The following GALNT13 variants were observed in gnomAD, a reference collection of about 807,000 sequenced individuals.
The protein encoded by GALNT13 is UDP-GalNAc:polypeptide N-acetylgalactosaminyltransferase 13.
A neutral mutation model predicts 64.2 loss-of-function variants in GALNT13; 28 were observed. That is an observed-to-expected ratio of 0.44 (90% CI 0.32 to 0.60). The LOEUF is 0.60. GALNT13 is among the 20% of genes least tolerant of loss of function. GALNT13 has a pLI of 0.05. For missense variants in GALNT13, 577 were observed against 669.8 expected (o/e 0.86, Z 1.53); for synonymous variants, 214 against 224.6 (o/e 0.95, Z 0.42).
chr2:153,237,066 G>T, the GALNT13 span, among the ~76,000 whole-genome samples: 1 of 152,188 alleles, frequency 6.6e-6, no homozygotes, highest in South Asian at 2.1e-4. Context: ...TGCAGATGTG[G>T]TGGGAATAGC....
At chr2:153,438,981 C>T in the GALNT13 span, among the ~76,000 whole-genome samples, 52 of 152,026 alleles carry the variant, frequency 3.4e-4, 1 homozygote, top group Admixed American at 3.3e-3. Context: ...ATGATGGTGA[C>T]GTACAGATGC....
intron 3 of GALNT13, among the ~76,000 whole-genome samples, chr2:154,052,093 A>G (rs901247054): frequency 2.0e-5 from 3 of 152,144 alleles, no homozygotes; most frequent in African/African-American, 7.2e-5. Flanking sequence ...ATCTTTACTA[A>G]TAATCATTAC....
chr2:153,876,279 A>G (rs953466045), intron 1 of GALNT13, among the ~76,000 whole-genome samples: 6 of 152,034 alleles, frequency 3.9e-5, no homozygotes, highest in African/African-American at 7.2e-5. Context: ...CGTAAATCAC[A>G]TTTAAAGATC....
the GALNT13 span, among the ~76,000 whole-genome samples, chr2:153,491,394 A>G: frequency 6.6e-6 from 1 of 152,058 alleles, no homozygotes; most frequent in Non-Finnish European, 1.5e-5. Flanking sequence ...AAAGACATTA[A>G]TTAGATTTAT....
chr2:154,082,574 A>C (rs1341592739), intron 3 of GALNT13, among the ~76,000 whole-genome samples: 1 of 151,722 alleles, frequency 6.6e-6, no homozygotes, highest in Non-Finnish European at 1.5e-5. Flanking sequence ...ATTTCATCGA[A>C]TGAATACGTA....
chr2:153,558,970 G>A, the GALNT13 span, among the ~76,000 whole-genome samples: 1 of 152,144 alleles, frequency 6.6e-6, no homozygotes, highest in Admixed American at 6.5e-5. Flanking sequence ...TGGATGCTTG[G>A]TGCATAGAAA....
chr2:153,872,837 C>T (rs1257369443), intron 1 of GALNT13, among the ~76,000 whole-genome samples: 1 of 152,140 alleles, frequency 6.6e-6, no homozygotes, highest in Non-Finnish European at 1.5e-5. Context: ...CTTTGCCTCG[C>T]TTTTTCAGAG....
intron 4 of GALNT13, among the ~76,000 whole-genome samples, chr2:154,182,145 A>G (rs1685994102): frequency 1.3e-5 from 2 of 152,158 alleles, no homozygotes; most frequent in South Asian, 2.1e-4. Context: ...ACAGAAACAA[A>G]CGCTTATAGA....
At chr2:154,323,080 A>G (rs1003310260) in intron 9 of GALNT13, among the ~76,000 whole-genome samples, 2 of 151,934 alleles carry the variant, frequency 1.3e-5, no homozygotes, top group Non-Finnish European at 1.5e-5. Flanking sequence ...AGCTCATCTC[A>G]GAAATTCTAA....
At chr2:153,711,497 C>G in the GALNT13 span, among the ~76,000 whole-genome samples, 1 of 152,100 alleles carries the variant, frequency 6.6e-6, no homozygotes, top group Non-Finnish European at 1.5e-5. Flanking sequence ...ATCATAATCC[C>G]CATTTCATAG....
At chr2:153,269,083 T>G in the GALNT13 span, among the ~76,000 whole-genome samples, 1 of 152,240 alleles carries the variant, frequency 6.6e-6, no homozygotes, top group South Asian at 2.1e-4. Flanking sequence ...TTATGCAAAT[T>G]TCTACAGCTG....
chr2:153,506,125 G>C, the GALNT13 span, among the ~76,000 whole-genome samples: 2 of 151,968 alleles, frequency 1.3e-5, no homozygotes, highest in East Asian at 3.9e-4. Flanking sequence ...TTTTATTCCT[G>C]CTGCTTTACA....
the GALNT13 span, among the ~76,000 whole-genome samples, chr2:153,408,176 G>C: frequency 6.6e-6 from 1 of 152,164 alleles, no homozygotes; most frequent in East Asian, 1.9e-4. Context: ...AAGCAGAGGA[G>C]TGGACCATGA....
At chr2:154,005,714 A>AT (rs146046415) in intron 3 of GALNT13, among the ~76,000 whole-genome samples, 9,400 of 150,352 alleles carry the variant, frequency 0.063, 1,136 homozygotes, top group East Asian at 0.59. Context: ...ACTTCGATTT[A>AT]TTTTTTTTTT....
At chr2:153,197,745 T>C in the GALNT13 span, among the ~76,000 whole-genome samples, 11,365 of 152,052 alleles carry the variant, frequency 0.075, 1,536 homozygotes, top group East Asian at 0.58. Context: ...GAGGACAGAG[T>C]TTCTATCTGT....
the GALNT13 span, among the ~76,000 whole-genome samples, chr2:153,624,533 A>G: frequency 3.3e-5 from 5 of 152,104 alleles, no homozygotes; most frequent in Non-Finnish European, 7.4e-5. Flanking sequence ...CCCAGACAGC[A>G]CCTTCACACT....
chr2:153,867,210 C>T (rs1685782470), upstream of GALNT13, among the ~76,000 whole-genome samples: 1 of 152,138 alleles, frequency 6.6e-6, no homozygotes. Flanking sequence ...GCTTTCCCAC[C>T]CACAATGGGC....
At chr2:154,336,738 G>C (rs1183104919) in intron 9 of GALNT13, among the ~76,000 whole-genome samples, 2 of 151,902 alleles carry the variant, frequency 1.3e-5, no homozygotes, top group South Asian at 2.1e-4. Context: ...CTTGGAATTT[G>C]ATTGTGGTTG....
intron 9 of GALNT13, among the ~76,000 whole-genome samples, chr2:154,390,133 A>G (rs1408300843): frequency 6.6e-6 from 1 of 152,220 alleles, no homozygotes; most frequent in African/African-American, 2.4e-5. Context: ...TGTCATTATG[A>G]TCTTCCATCT....
Sources: allele counts gnomAD v4.1 joint callset (sites outside exome capture counted in the v4.1 genomes callset), GRCh38; gene constraint gnomAD v4.1.1; transcripts MANE v1.5; gene names NCBI Gene and HGNC (gene_info 2026-07-23, HGNC 2026-07-21).